IL1RAPL1: variants seen among roughly 807,000 people sequenced by gnomAD.
The protein encoded by IL1RAPL1 is interleukin-1 receptor accessory protein-like 1.
IL1RAPL1 carries 3 observed loss-of-function variants against 48.4 expected under a neutral mutation model. That is an observed-to-expected ratio of 0.06 (90% CI 0.03 to 0.16). The LOEUF (loss-of-function observed/expected upper bound fraction) is 0.16, where lower values mean the gene tolerates loss of function less well. Among genes scored for constraint, IL1RAPL1 ranks in the 10% least tolerant of loss-of-function variants. The probability of loss-of-function intolerance (pLI) is 1.00; values close to 1 mark genes in which losing one functional copy is unlikely to be tolerated. For synonymous variants in IL1RAPL1, 185 were observed against 187.7 expected (o/e 0.99, Z 0.12); for missense variants, 349 against 530.6 (o/e 0.66, Z 3.36).
intron 5 of IL1RAPL1, among the ~76,000 whole-genome samples, chrX:29,638,786 A>G (rs1057433026): frequency 8.9e-6 from 1 of 112,595 alleles, no homozygotes; most frequent in Non-Finnish European, 1.9e-5. Flanking sequence ...TCATACATAC[A>G]TAAATGCTAT....
intron 3 of IL1RAPL1, among the ~76,000 whole-genome samples, chrX:29,313,902 A>T (rs1055005809): frequency 1.2e-4 from 14 of 112,232 alleles, no homozygotes; most frequent in African/African-American, 4.2e-4. Context: ...TCTCCTTAAG[A>T]GTCTGAGAGT....
At chrX:29,297,057 A>G (rs1439066595) in intron 3 of IL1RAPL1, among the ~76,000 whole-genome samples, 1 of 111,652 alleles carries the variant, frequency 9.0e-6, no homozygotes, top group Non-Finnish European at 1.9e-5. Context: ...GGATCTATCA[A>G]TTTTTTCTCA....
chrX:29,189,622 A>C lies in IL1RAPL1; in HGVS notation c.83-93316A>C, dbSNP rs143071266. Among the ~76,000 whole-genome samples the C allele has an allele frequency of 9.0e-3, 1,008 of 111,616 alleles. 16 individuals carry two copies. The highest frequency in any genetic ancestry group is 0.031 in the African/African-American group (968 of 30,824). On this transcript the variant is annotated intron_variant, in intron 2 of 10. Transcript: ENST00000378993. ...TATTTCATTACTGCTGGTAAATATG[A>C]AAAGAACAAGAAGAAGAGGGAAAAT...
chrX:29,373,512 T>G (rs1317834561), intron 3 of IL1RAPL1, among the ~76,000 whole-genome samples: 4 of 111,306 alleles, frequency 3.6e-5, no homozygotes, highest in Non-Finnish European at 7.5e-5. Context: ...TGGGGGATGG[T>G]CCCAGCTTTT....
chrX:28,860,944 C>T (rs999252713), intron 2 of IL1RAPL1, among the ~76,000 whole-genome samples: 3 of 111,103 alleles, frequency 2.7e-5, no homozygotes, highest in African/African-American at 6.5e-5. Context: ...ATGTTTTTTA[C>T]AGTGTAAAAG....
At chrX:28,804,653 A>G (rs745701054) in intron 2 of IL1RAPL1, among the ~76,000 whole-genome samples, 32 of 111,105 alleles carry the variant, frequency 2.9e-4, no homozygotes, top group Non-Finnish European at 5.5e-4. Context: ...TCTGACTCTG[A>G]CTTTCCTGCC....
At chrX:28,758,511 A>G (rs12846361) in intron 1 of IL1RAPL1, among the ~76,000 whole-genome samples, 17,464 of 110,584 alleles carry the variant, frequency 0.16, 1,143 homozygotes, top group Middle Eastern at 0.34. Context: ...GAAAGATATC[A>G]AAGGTATTCA....
chrX:29,938,655 C>A (rs1397129448), intron 8 of IL1RAPL1, among the ~76,000 whole-genome samples: 4 of 112,116 alleles, frequency 3.6e-5, no homozygotes, highest in Non-Finnish European at 7.5e-5. Context: ...AAATGAGTTC[C>A]GACAAATATA....
intron 6 of IL1RAPL1, among the ~76,000 whole-genome samples, chrX:29,735,075 G>A (rs755810880): frequency 3.5e-4 from 39 of 111,886 alleles, no homozygotes; most frequent in South Asian, 1.9e-3. Context: ...TAATTCTGAA[G>A]GTCAAAAGTC....
chrX:28,862,224 C>T (rs7062891), intron 2 of IL1RAPL1, among the ~76,000 whole-genome samples: 2,123 of 111,847 alleles, frequency 0.019, 53 homozygotes, highest in African/African-American at 0.065. Flanking sequence ...TATCTTTATG[C>T]AATCTTTATG....
chrX:29,803,651 G>GTA (rs1027098531), intron 6 of IL1RAPL1, among the ~76,000 whole-genome samples: 4 of 103,277 alleles, frequency 3.9e-5, no homozygotes, highest in Admixed American at 1.1e-4. Flanking sequence ...ATACACGCGT[G>GTA]TATATATATA....
intron 1 of IL1RAPL1, among the ~76,000 whole-genome samples, chrX:28,726,446 C>T (rs1330506354): frequency 8.9e-6 from 1 of 112,410 alleles, no homozygotes; most frequent in African/African-American, 3.2e-5. Flanking sequence ...GCATACCTTC[C>T]TTTGGTGATG....
intron 2 of IL1RAPL1, among the ~76,000 whole-genome samples, chrX:29,201,438 G>C (rs1411065098): frequency 9.0e-6 from 1 of 110,656 alleles, no homozygotes; most frequent in East Asian, 2.8e-4. Context: ...AAAATATGAC[G>C]TTGTCTCTGT....
At chrX:29,014,459 A>G (rs1292297512) in intron 2 of IL1RAPL1, among the ~76,000 whole-genome samples, 1 of 111,594 alleles carries the variant, frequency 9.0e-6, no homozygotes, top group Non-Finnish European at 1.9e-5. Flanking sequence ...CCACATGTAC[A>G]TCCATGCTGC....
intron 1 of IL1RAPL1, among the ~76,000 whole-genome samples, chrX:28,608,051 A>G (rs1439620525): frequency 1.8e-5 from 2 of 111,701 alleles, no homozygotes; most frequent in Non-Finnish European, 3.8e-5. Context: ...CTACTGGTCT[A>G]TACAAGTGTA....
intron 2 of IL1RAPL1, among the ~76,000 whole-genome samples, chrX:29,243,812 G>A (rs1283394051): frequency 2.7e-5 from 3 of 111,356 alleles, no homozygotes; most frequent in Non-Finnish European, 5.7e-5. Context: ...GTTTCACCAG[G>A]GGTTTCACCA....
intron 2 of IL1RAPL1, among the ~76,000 whole-genome samples, chrX:28,960,820 AAC>A (rs1470622682): frequency 1.8e-5 from 2 of 109,696 alleles, no homozygotes; most frequent in Non-Finnish European, 3.8e-5. Context: ...CATCCTGGAT[AAC>A]ACAGTGAAAC....
chrX:29,661,281 TTC>T (rs1327897292), intron 5 of IL1RAPL1, among the ~76,000 whole-genome samples: 1 of 112,593 alleles, frequency 8.9e-6, no homozygotes, highest in Non-Finnish European at 1.9e-5. Flanking sequence ...ATAATTTGAC[TTC>T]TTTCTTTCAA....
chrX:29,302,304 G>A (rs1037681701), intron 3 of IL1RAPL1, among the ~76,000 whole-genome samples: 4 of 112,009 alleles, frequency 3.6e-5, no homozygotes, highest in South Asian at 3.7e-4. Flanking sequence ...GTCACTCAAC[G>A]TTTAATGTCT....
Sources: allele counts gnomAD v4.1 joint callset (sites outside exome capture counted in the v4.1 genomes callset), GRCh38; gene constraint gnomAD v4.1.1; transcripts MANE v1.5; gene names NCBI Gene and HGNC (gene_info 2026-07-23, HGNC 2026-07-21).